The following DGKK variants were observed in gnomAD, a reference collection of about 807,000 sequenced individuals.
DGKK encodes the protein 142 kDa diacylglycerol kinase.
DGKK carries 35 observed loss-of-function variants against 92.2 expected under a neutral mutation model. That is an observed-to-expected ratio of 0.38 (90% CI 0.29 to 0.50). DGKK has a LOEUF of 0.50. DGKK is among the 20% of genes least tolerant of loss of function. The pLI is 0.92. For synonymous variants in DGKK, 368 were observed against 360.6 expected, an observed-to-expected ratio of 1.02 and a Z score of -0.23; for missense variants, 910 against 992.2, an observed-to-expected ratio of 0.92 and a Z score of 1.11.
At chrX:50,414,591 A>G (rs1031169701) in intron 4 of DGKK, among the ~76,000 whole-genome samples, 1 of 111,955 alleles carries the variant, frequency 8.9e-6, no homozygotes, top group Admixed American at 9.5e-5. Context: ...GGTTAATAAA[A>G]TGTTATTAAA....
intron 12 of DGKK, among the ~76,000 whole-genome samples, 184 bp downstream of exon 12, chrX:50,390,144 T>C (rs1431305841): frequency 8.9e-6 from 1 of 112,164 alleles, no homozygotes; most frequent in African/African-American, 3.2e-5. Flanking sequence ...AGTAAATGAG[T>C]GAATGAATTA....
chrX:50,422,343 C>T, intron 3 of DGKK, 103 bp downstream of exon 3: 3 of 630,186 alleles, frequency 4.8e-6, no homozygotes, highest in Non-Finnish European at 4.7e-6. Context: ...TCAAAGGAAA[C>T]TTTGGAAACC....
At chrX:50,386,661 T>TG (rs1924550746) in intron 14 of DGKK, 75 bp from the exon 15 acceptor site, 1 of 907,646 alleles carries the variant, frequency 1.1e-6, no homozygotes, top group Non-Finnish European at 1.5e-6. Context: ...GGAGTGGTGG[T>TG]GATATGGGGA....
chrX:50,406,022 T>C (rs1212918592), intron 4 of DGKK, among the ~76,000 whole-genome samples: 5 of 111,899 alleles, frequency 4.5e-5, no homozygotes, highest in African/African-American at 1.6e-4. Flanking sequence ...GCACTGGAGA[T>C]GCAGAGATGA....
At chrX:50,371,209 C>T (rs781986092) in intron 26 of DGKK, among the ~76,000 whole-genome samples, 5 of 112,244 alleles carry the variant, frequency 4.5e-5, no homozygotes, top group African/African-American at 1.6e-4. Flanking sequence ...TTGAGATTAA[C>T]TTTGTTGTCA....
chrX:50,446,462 C>T (rs1381067873), intron 1 of DGKK, among the ~76,000 whole-genome samples: 2 of 111,460 alleles, frequency 1.8e-5, no homozygotes, highest in African/African-American at 6.5e-5. Context: ...TTGTATTTCT[C>T]TAATGGCTAA....
intron 4 of DGKK, among the ~76,000 whole-genome samples, chrX:50,408,558 T>G (rs1168125516): frequency 9.2e-6 from 1 of 109,110 alleles, no homozygotes; most frequent in African/African-American, 3.3e-5. Flanking sequence ...TTTTTTTTTG[T>G]ATTTTTAGTA....
chrX:50,425,494 A>T (rs782306809), intron 1 of DGKK, among the ~76,000 whole-genome samples: 1 of 110,579 alleles, frequency 9.0e-6, no homozygotes, highest in Non-Finnish European at 1.9e-5. Flanking sequence ...ACTCTGATCT[A>T]AACAGTTATT....
At position 50,422,755 on chromosome X, in the gene DGKK, A is replaced by G. The variant is rs1602289150; in HGVS notation, c.757-229T>C. On this transcript the variant is annotated intron_variant, in intron 2 of 27. Coordinates refer to ENST00000611977, the MANE Select transcript of DGKK (RefSeq NM_001013742.4). Reference sequence around the variant, plus strand: ...TGTGACCAAAAAATGAAATCAAAATAAACTTTTTACAGACATTTATGTGGA... The same window carrying G: ...TGTGACCAAAAAATGAAATCAAAATGAACTTTTTACAGACATTTATGTGGA... 2.7e-5 allele frequency among the ~76,000 whole-genome samples: 3 copies of G among 112,118 alleles called. No homozygotes were observed. In the Admixed American group the frequency reaches 2.8e-4, roughly 11 times the overall value.
At chrX:50,379,922 C>G (rs1414974928) in intron 19 of DGKK, 59 bp downstream of exon 19, 4 of 1,091,559 alleles carry the variant, frequency 3.7e-6, no homozygotes, top group Non-Finnish European at 5.1e-6. Flanking sequence ...ACGGTATTCC[C>G]AAGGCCATGA....
At chrX:50,397,125 C>T (rs1251456262) in intron 8 of DGKK, among the ~76,000 whole-genome samples, 1 of 111,915 alleles carries the variant, frequency 8.9e-6, no homozygotes, top group Non-Finnish European at 1.9e-5. Flanking sequence ...GACTTGGCAG[C>T]ATCAAGTGTG....
chrX:50,436,241 T>C (rs1557230764), intron 1 of DGKK, among the ~76,000 whole-genome samples: 1 of 112,148 alleles, frequency 8.9e-6, no homozygotes, highest in African/African-American at 3.2e-5. Context: ...TGCTAACAGT[T>C]GGTGAGTCCT....
At position 50,368,891 on chromosome X, in the gene DGKK, T is replaced by C; in HGVS notation, c.*49A>G. On this transcript the variant is annotated 3_prime_UTR_variant, in exon 28 of 28. Coordinates refer to ENST00000611977, the MANE Select transcript of DGKK (RefSeq NM_001013742.4). Reference sequence around the variant, plus strand: ...CTAGCCTGTATTGAGGTTTTGAGAGTTTTTTTAGTAGAATTCTCAATGTTG... The same window carrying C: ...CTAGCCTGTATTGAGGTTTTGAGAGCTTTTTTAGTAGAATTCTCAATGTTG... 9.0e-7 allele frequency: 1 copy of C among 1,111,511 alleles called. No individual in the cohort carries two copies. The highest frequency in any genetic ancestry group is 1.2e-6 in the Non-Finnish European group (1 of 811,921). 91.6% of individuals were successfully genotyped at this position (1,111,511 alleles called of 1,213,427 possible). A position where few individuals can be genotyped will look rare whatever the true frequency, so the allele number is the denominator to read the frequency against.
rs1924034772 is a variant in DGKK, at chrX:50,368,767, CCT to C, written c.*171_*172del. 2.3e-6 allele frequency: 1 copy of C among 434,193 alleles called. No individual in the cohort carries two copies. Among genetic ancestry groups the C allele is most frequent in the Admixed American group, 4.3e-5 (1 of 23,440 alleles). The allele number at this position is 434,193 out of a possible 1,213,427, so 35.8% of individuals were successfully genotyped here. A position where few individuals can be genotyped will look rare whatever the true frequency, so the allele number is the denominator to read the frequency against. On this transcript the variant is annotated 3_prime_UTR_variant, in exon 28 of 28. Transcript: ENST00000611977. Reference sequence around the variant, plus strand: ...CCTTTGGCCAATGAGGAAATGTAAACCTCTAAGGAGACCAGATTAAGTCCAGG... The same window carrying C: ...CCTTTGGCCAATGAGGAAATGTAAACCTAAGGAGACCAGATTAAGTCCAGG...
At chrX:50,379,493 G>A in intron 20 of DGKK, 134 bp downstream of exon 20, 2 of 501,023 alleles carry the variant, frequency 4.0e-6, no homozygotes, top group African/African-American at 4.7e-5. Context: ...TACAGCTGCT[G>A]CTAATAAAGG....
At chrX:50,369,358 A>T (rs1924053457) in intron 27 of DGKK, among the ~76,000 whole-genome samples, 1 of 111,076 alleles carries the variant, frequency 9.0e-6, no homozygotes, top group Non-Finnish European at 1.9e-5. Flanking sequence ...GATCCAAGAG[A>T]TTCTCTCTTG....
intron 25 of DGKK, among the ~76,000 whole-genome samples, chrX:50,373,388 A>G (rs961573924): frequency 9.8e-5 from 11 of 111,914 alleles, no homozygotes; most frequent in African/African-American, 3.6e-4. Context: ...ACTGGGCCCT[A>G]TGAGGTGGGA....
At chrX:50,463,811 T>G (rs1443831054) in intron 1 of DGKK, among the ~76,000 whole-genome samples, 3 of 110,743 alleles carry the variant, frequency 2.7e-5, no homozygotes, top group African/African-American at 9.8e-5. Flanking sequence ...CTAAATGTAT[T>G]TGCTTGTTTT....
chrX:50,425,703 G>A (rs1432105662), intron 1 of DGKK, among the ~76,000 whole-genome samples: 4 of 111,718 alleles, frequency 3.6e-5, no homozygotes, highest in Non-Finnish European at 5.6e-5. Flanking sequence ...GCTTATGGGA[G>A]TTTCAAGGTT....
Sources: allele counts gnomAD v4.1 joint callset (sites outside exome capture counted in the v4.1 genomes callset), GRCh38; gene constraint gnomAD v4.1.1; transcripts MANE v1.5; gene names NCBI Gene and HGNC (gene_info 2026-07-23, HGNC 2026-07-21).